The following CPLANE1 variants were observed in gnomAD, a reference collection of about 807,000 sequenced individuals.
CPLANE1 encodes ciliogenesis and planar polarity effector complex subunit 1.
CPLANE1 carries 263 observed loss-of-function variants against 362.5 expected under a neutral mutation model. The ratio of observed to expected loss-of-function variants is 0.73; its 90% CI spans 0.66 to 0.80. The LOEUF (loss-of-function observed/expected upper bound fraction) is 0.80, where lower values mean the gene tolerates loss of function less well. Among genes scored for constraint, CPLANE1 ranks in the 30% least tolerant of loss-of-function variants. The pLI is 0.00. For synonymous variants in CPLANE1, 1,212 were observed against 1,302.6 expected (o/e 0.93, Z 1.50); for missense variants, 3,461 against 3,793.4 (o/e 0.91, Z 2.30).
the CPLANE1 span, among the ~76,000 whole-genome samples, chr5:37,097,450 T>C: frequency 8.5e-5 from 13 of 152,270 alleles, no homozygotes; most frequent in East Asian, 9.6e-4. Flanking sequence ...ATAAGAAACC[T>C]ATTTACCAAA....
chr5:37,209,451 CG>C lies in CPLANE1; in HGVS notation c.2921-3027del. The C allele has an allele frequency of 7.6e-7, 1 of 1,308,318 alleles. No homozygotes were observed. The allele number at this position is 1,308,318 out of a possible 1,614,324, so 81.0% of individuals were successfully genotyped here. Reference sequence around the variant, plus strand: ...AAAGCTATACCAGACATTTAAGGATCGGGGTATACTGGAAACACTCAAGATA... The same window carrying C: ...AAAGCTATACCAGACATTTAAGGATCGGGTATACTGGAAACACTCAAGATA... On this transcript the variant is annotated intron_variant, in intron 16 of 52. Coordinates refer to ENST00000651892, the MANE Select transcript of CPLANE1 (RefSeq NM_001384732.1). The surrounding 1 kb of genome is among the most constrained non-coding windows in gnomAD (Gnocchi z 4.6).
chr5:37,098,390 CAAAAAAA>C, the CPLANE1 span, among the ~76,000 whole-genome samples: 1 of 37,632 alleles, frequency 2.7e-5, no homozygotes, highest in South Asian at 1.6e-3. Context: ...AACTCCGTCT[CAAAAAAA>C]AAAAAAAAAA....
chr5:37,209,356 G>A lies in CPLANE1; in HGVS notation c.2921-2931C>T, dbSNP rs1791929554. 1 of 998,794 alleles carries A rather than the reference G, an allele frequency of 1.0e-6. No individual in the cohort carries two copies. The highest frequency in any genetic ancestry group is 1.6e-6 in the Non-Finnish European group (1 of 622,490). The allele number at this position is 998,794 out of a possible 1,614,324, so 61.9% of individuals were successfully genotyped here. Reference sequence around the variant, plus strand: ...AGCGAGGCGGGCTCCGGAGGAAGCTGACGGCTGATGATGGCTCAGTCCAAC... The same window carrying A: ...AGCGAGGCGGGCTCCGGAGGAAGCTAACGGCTGATGATGGCTCAGTCCAAC... On this transcript the variant is annotated intron_variant, in intron 16 of 52. Transcript: ENST00000651892. The surrounding 1 kb of genome is among the most constrained non-coding windows in gnomAD (Gnocchi z 4.6).
intron 8 of CPLANE1, among the ~76,000 whole-genome samples, chr5:37,237,154 T>A (rs544782147): frequency 1.1e-4 from 16 of 152,282 alleles, no homozygotes; most frequent in African/African-American, 3.1e-4. Flanking sequence ...GTTTATCACA[T>A]CACTATTCAC....
intron 50 of CPLANE1, among the ~76,000 whole-genome samples, chr5:37,119,998 G>T (rs533226200): frequency 1.6e-5 from 2 of 126,616 alleles, no homozygotes; most frequent in South Asian, 4.8e-4. Context: ...AAAAGAAAAA[G>T]AAAAAAAAAG....
Position 37,183,616 on chromosome 5 carries a change from GTA to G in CPLANE1, c.4563_4564del (p.Thr1522LysfsTer6). The G allele has an allele frequency of 6.2e-7, 1 of 1,612,112 alleles. No individual in the cohort carries two copies. The highest frequency in any genetic ancestry group is 1.1e-5 in the South Asian group (1 of 90,676). ...TAACTTTTCATGATCTTCTTTCTTT[GTA>G]GGATTTTCTTTCTGATTACACATTT... On this transcript the variant is annotated frameshift_variant, in exon 26 of 53. Coordinates refer to ENST00000651892, the MANE Select transcript of CPLANE1 (RefSeq NM_001384732.1).
At chr5:37,196,233 C>T (rs1214871573) in intron 20 of CPLANE1, among the ~76,000 whole-genome samples, 1 of 151,430 alleles carries the variant, frequency 6.6e-6, no homozygotes, top group African/African-American at 2.4e-5. Context: ...ACAATTTTGC[C>T]TGTATAAGAA....
At chr5:37,241,570 A>C (rs1800490631) in intron 6 of CPLANE1, among the ~76,000 whole-genome samples, 1 of 152,164 alleles carries the variant, frequency 6.6e-6, no homozygotes, top group Admixed American at 6.5e-5. Flanking sequence ...CATTTCAAAC[A>C]ATTGTATATA....
Position 37,116,849 on chromosome 5 carries a change from C to T in CPLANE1, c.9311-1800G>A, listed in dbSNP as rs527694605. ...CTATGTGAGTTCAGGTTATCTGTAT[C>T]ACTGACTAGGAAAAGGTCTGGAATC... On this transcript the variant is annotated intron_variant, in intron 50 of 52. Coordinates refer to ENST00000651892, the MANE Select transcript of CPLANE1 (RefSeq NM_001384732.1). Among the ~76,000 whole-genome samples, 146 of 152,282 alleles carry T rather than the reference C, an allele frequency of 9.6e-4. 1 individual carries two copies. Among genetic ancestry groups the T allele is most frequent in the African/African-American group, 3.2e-3 (132 of 41,566 alleles).
chr5:37,197,648 A>AT (rs142743057), intron 20 of CPLANE1, among the ~76,000 whole-genome samples: 6 of 152,292 alleles, frequency 3.9e-5, no homozygotes, highest in African/African-American at 1.4e-4. Flanking sequence ...AAGCTGCTAA[A>AT]TTTGTGTTAA....
At chr5:37,111,028 C>T (rs1759107277) in intron 51 of CPLANE1, among the ~76,000 whole-genome samples, 1 of 150,774 alleles carries the variant, frequency 6.6e-6, no homozygotes, top group Admixed American at 6.6e-5. Flanking sequence ...AGGATGGTCT[C>T]AATCTCCTGA....
At chr5:37,173,510 G>T (rs1327449245) in intron 32 of CPLANE1, among the ~76,000 whole-genome samples, 1 of 151,710 alleles carries the variant, frequency 6.6e-6, no homozygotes, top group Non-Finnish European at 1.5e-5. Flanking sequence ...TCACTATGTT[G>T]CCCAAGCTGG....
At chr5:37,242,839 T>TAA (rs376022376) in intron 6 of CPLANE1, among the ~76,000 whole-genome samples, 174 bp downstream of exon 6, 4 of 138,776 alleles carry the variant, frequency 2.9e-5, no homozygotes, top group African/African-American at 5.3e-5. Flanking sequence ...ACTTGTCTGT[T>TAA]AAAAAAAAAA....
chr5:37,163,905 C>T (rs1008476211), intron 37 of CPLANE1, among the ~76,000 whole-genome samples: 1 of 152,088 alleles, frequency 6.6e-6, no homozygotes, highest in Admixed American at 6.6e-5. Context: ...TCAATTATAC[C>T]TATGTACTGA....
Position 37,185,052 on chromosome 5 carries a change from A to G in CPLANE1, c.4217T>C (p.Val1406Ala). Residue 1406 changes from valine (V) to alanine (A), a missense_variant, in exon 25 of 53, where the codon GTT becomes GCT. By Grantham distance (64) the Val-to-Ala change is moderately conservative. This residue lies in a region of CPLANE1 where 3,380 missense variants were observed against 3,666.1 expected (regional missense o/e 0.92). Coordinates refer to ENST00000651892, the MANE Select transcript of CPLANE1 (RefSeq NM_001384732.1). ...CACTTTCTGGATAGAATGCATGACA[A>G]CAGACATCATTTCCTCAGTCTGGGG... ...KGPQTEEMMS[V>A]VMHSIQKVRV... 6.2e-7 allele frequency: 1 copy of G among 1,613,046 alleles called. No homozygotes were observed. Among genetic ancestry groups the G allele is most frequent in the East Asian group, 2.2e-5 (1 of 44,874 alleles).
At chr5:37,155,502 G>A (rs1449221407) in intron 41 of CPLANE1, among the ~76,000 whole-genome samples, 1 of 152,124 alleles carries the variant, frequency 6.6e-6, no homozygotes, top group African/African-American at 2.4e-5. Context: ...AGCCTCTTGA[G>A]TAGCTGGGAC....
At position 37,221,455 on chromosome 5, in the gene CPLANE1, T is replaced by C; in HGVS notation, c.2615A>G (p.Tyr872Cys). 4.0e-6 allele frequency: 6 copies of C among 1,509,434 alleles called. No individual in the cohort carries two copies. Among genetic ancestry groups the C allele is most frequent in the Non-Finnish European group, 5.3e-6 (6 of 1,133,126 alleles). The allele number at this position is 1,509,434 out of a possible 1,614,324, so 93.5% of individuals were successfully genotyped here. ...GTGGCAGTATAAGAGAGAAAGATAA[T>C]AGCGTATCTGAAGAAAATACGTCCT... ...GRRTYFLQIR[Y>C]YLSLLYCHLY... is the part of the protein sequence containing the mutation. The change falls in exon 15 of 53, where the codon TAT becomes TGT. Residue 872 changes from tyrosine (Y) to cysteine (C), a missense_variant. By Grantham distance (194) the Tyr-to-Cys change is radical. Around this residue, in one of 2 missense-constraint regions of CPLANE1, gnomAD observed 3,380 missense variants for 3,666.1 expected, o/e 0.92. Transcript: ENST00000651892.
chr5:37,197,141 AG>A (rs931587094), intron 20 of CPLANE1, among the ~76,000 whole-genome samples: 28 of 152,124 alleles, frequency 1.8e-4, no homozygotes, highest in South Asian at 4.2e-4. Flanking sequence ...GAATAAAAAG[AG>A]GGGAGCTTCT....
intron 15 of CPLANE1, among the ~76,000 whole-genome samples, chr5:37,216,167 A>G (rs1193675347): frequency 6.6e-6 from 1 of 152,154 alleles, no homozygotes; most frequent in Non-Finnish European, 1.5e-5. Flanking sequence ...CTGTACCATT[A>G]GATCTGAGAA....
Sources: allele counts gnomAD v4.1 joint callset (sites outside exome capture counted in the v4.1 genomes callset), GRCh38; gene constraint gnomAD v4.1.1; regional missense constraint gnomAD v4.1.1; non-coding constraint Gnocchi (gnomAD v3.1); transcripts MANE v1.5; gene names NCBI Gene and HGNC (gene_info 2026-07-23, HGNC 2026-07-21).